PPM1L: variants seen among roughly 807,000 people sequenced by gnomAD.
PPM1L encodes the protein protein phosphatase, Mg2+/Mn2+ dependent 1L, also known as protein phosphatase 1L.
In PPM1L, 13 loss-of-function variants were observed where a neutral mutation model predicts 31.4. The ratio of observed to expected loss-of-function variants is 0.41; its 90% CI spans 0.27 to 0.66. PPM1L has a LOEUF of 0.66. Among genes scored for constraint, PPM1L ranks in the 30% least tolerant of loss-of-function variants. The pLI is 0.29. For synonymous variants in PPM1L, 184 were observed against 175.4 expected (o/e 1.05, Z -0.39); for missense variants, 326 against 453.7 (o/e 0.72, Z 2.56).
rs923926857 is a variant in PPM1L, at chr3:160,779,074, T to C, written c.399+22367T>C. Among the ~76,000 whole-genome samples the C allele has an allele frequency of 7.4e-5, 11 of 148,570 alleles. 1 individual carries two copies. Among genetic ancestry groups the C allele is most frequent in the Non-Finnish European group, 1.5e-4 (10 of 67,776 alleles). ...TGTGTTATAGTCCTGTTTCCTGTTA[T>C]TACATTTTTTTTTTTTTGCTACTTT... On this transcript the variant is annotated intron_variant, in intron 1 of 3. Coordinates refer to ENST00000498165, the MANE Select transcript of PPM1L (RefSeq NM_139245.4).
intron 1 of PPM1L, among the ~76,000 whole-genome samples, chr3:160,937,612 T>G (rs1272997685): frequency 2.0e-5 from 3 of 151,476 alleles, no homozygotes; most frequent in Non-Finnish European, 4.4e-5. Flanking sequence ...AGAGCAAGTC[T>G]CCGTCTCAAA....
intron 1 of PPM1L, among the ~76,000 whole-genome samples, chr3:160,927,014 A>G (rs1465059739): frequency 6.6e-6 from 1 of 152,238 alleles, no homozygotes; most frequent in Non-Finnish European, 1.5e-5. Context: ...ATGAATCAAG[A>G]AAGTCAGACT....
At chr3:160,772,390 A>G (rs1715280674) in intron 1 of PPM1L, among the ~76,000 whole-genome samples, 1 of 152,234 alleles carries the variant, frequency 6.6e-6, no homozygotes, top group South Asian at 2.1e-4. Flanking sequence ...TCTCAAAAAT[A>G]GGATGGCAAC....
chr3:160,789,762 A>G (rs1305403912), intron 1 of PPM1L, among the ~76,000 whole-genome samples: 1 of 151,862 alleles, frequency 6.6e-6, no homozygotes, highest in Non-Finnish European at 1.5e-5. Context: ...ACATTGGTAG[A>G]TCTTCTGATA....
chr3:160,887,960 A>G (rs1712980940), intron 1 of PPM1L, among the ~76,000 whole-genome samples: 1 of 152,172 alleles, frequency 6.6e-6, no homozygotes, highest in Non-Finnish European at 1.5e-5. Flanking sequence ...GGGAAATAAA[A>G]TTCTTTCCAG....
chr3:161,060,692 G>A (rs1345506764), intron 2 of PPM1L, among the ~76,000 whole-genome samples: 1 of 150,082 alleles, frequency 6.7e-6, no homozygotes, highest in Non-Finnish European at 1.5e-5. Context: ...ACTTAGCTAG[G>A]ACATTGAAGT....
At chr3:161,040,024 G>A (rs1322451313) in intron 2 of PPM1L, among the ~76,000 whole-genome samples, 1 of 152,112 alleles carries the variant, frequency 6.6e-6, no homozygotes. Context: ...ATACCTCTTT[G>A]GAAACTGGGT....
At chr3:160,876,831 G>T (rs938925401) in intron 1 of PPM1L, among the ~76,000 whole-genome samples, 1 of 152,194 alleles carries the variant, frequency 6.6e-6, no homozygotes, top group African/African-American at 2.4e-5. Flanking sequence ...ATGAAAAAAG[G>T]CTTCATGTTG....
At chr3:160,858,543 C>T (rs1158671989) in intron 1 of PPM1L, among the ~76,000 whole-genome samples, 1 of 152,152 alleles carries the variant, frequency 6.6e-6, no homozygotes, top group Non-Finnish European at 1.5e-5. Flanking sequence ...CAGTGAATCA[C>T]AATAAATCTT....
chr3:160,829,484 A>C (rs933003509), intron 1 of PPM1L, among the ~76,000 whole-genome samples: 3 of 152,186 alleles, frequency 2.0e-5, no homozygotes, highest in African/African-American at 7.2e-5. Flanking sequence ...AACTGTGGTT[A>C]AGGAGGCTGC....
At chr3:161,049,695 T>C (rs766140472) in intron 2 of PPM1L, among the ~76,000 whole-genome samples, 2 of 152,160 alleles carry the variant, frequency 1.3e-5, no homozygotes, top group Non-Finnish European at 2.9e-5. Flanking sequence ...AGGTCAGGTA[T>C]GTGTGAACAG....
At chr3:160,845,054 A>G (rs868507841) in intron 1 of PPM1L, among the ~76,000 whole-genome samples, 1 of 152,130 alleles carries the variant, frequency 6.6e-6, no homozygotes, top group Non-Finnish European at 1.5e-5. Context: ...AAGTTCATCC[A>G]TGTTGTAGCA....
chr3:160,944,803 A>ATATATATATGT lies in PPM1L; in HGVS notation c.400-16927_400-16926insTATGTTATATA, dbSNP rs1553748139. ...TTATATTATATATGTTATATATAAC[A>ATATATATATGT]TATATAACATATATATGTTATATAT... On this transcript the variant is annotated intron_variant, in intron 1 of 3. Transcript: ENST00000498165. Among the ~76,000 whole-genome samples, 6 of 59,254 alleles carry ATATATATATGT rather than the reference A, an allele frequency of 1.0e-4. 1 individual carries two copies. The highest frequency in any genetic ancestry group is 1.7e-4 in the African/African-American group (3 of 17,918). 38.9% of individuals were successfully genotyped at this position (59,254 alleles called of 152,430 possible). A position where few individuals can be genotyped will look rare whatever the true frequency, so the allele number is the denominator to read the frequency against.
At chr3:160,999,224 A>T (rs1460418567) in intron 2 of PPM1L, among the ~76,000 whole-genome samples, 1 of 152,172 alleles carries the variant, frequency 6.6e-6, no homozygotes, top group African/African-American at 2.4e-5. Flanking sequence ...ATTTTTATAG[A>T]TGAAGAGACT....
chr3:160,986,426 AC>A lies in PPM1L; in HGVS notation c.574+24519del, dbSNP rs573869933. 2.1e-3 allele frequency among the ~76,000 whole-genome samples: 320 copies of A among 152,196 alleles called. 1 individual carries two copies. Among genetic ancestry groups the A allele is most frequent in the Non-Finnish European group, 3.4e-3 (230 of 68,004 alleles). ...GCCTGAGTTTTACACAATTTAGAGA[AC>A]CCTCTTTAGGAAAAAAATAAAAAAT... On this transcript the variant is annotated intron_variant, in intron 2 of 3. Transcript: ENST00000498165.
chr3:160,960,558 TTGTGTGTGTGTG>T (rs59297068), intron 1 of PPM1L, among the ~76,000 whole-genome samples: 6,150 of 145,446 alleles, frequency 0.042, 147 homozygotes, highest in Non-Finnish European at 0.047. Context: ...TTTAGCAGTT[TTGTGTGTGTGTG>T]TGTGTGTGTG....
intron 1 of PPM1L, among the ~76,000 whole-genome samples, chr3:160,905,257 T>C (rs1301353696): frequency 6.6e-6 from 1 of 152,218 alleles, no homozygotes; most frequent in East Asian, 1.9e-4. Flanking sequence ...TTCTTCCCAT[T>C]GTGGCCCTAC....
chr3:160,766,731 G>T (rs1354430180), intron 1 of PPM1L, among the ~76,000 whole-genome samples: 2 of 148,654 alleles, frequency 1.3e-5, no homozygotes, highest in African/African-American at 2.5e-5. Context: ...TTGATCACTT[G>T]ATCTCTCTGG....
chr3:160,903,893 T>C (rs36112134), intron 1 of PPM1L, among the ~76,000 whole-genome samples: 3 of 152,198 alleles, frequency 2.0e-5, no homozygotes, highest in Non-Finnish European at 4.4e-5. Context: ...TTTTGTATTG[T>C]ATTTATTTAT....
Sources: gnomAD v4.1 joint callset for allele counts (sites outside exome capture counted in the v4.1 genomes callset) on GRCh38, gnomAD v4.1.1 for gene constraint, MANE v1.5 for transcripts, NCBI Gene and HGNC (gene_info 2026-07-23, HGNC 2026-07-21) for gene names.